Variants in QSER1 observed in about 807,000 individuals in gnomAD.
QSER1 encodes the protein glutamine and serine rich 1.
QSER1 carries 49 observed loss-of-function variants against 158.5 expected under a neutral mutation model. The ratio of observed to expected loss-of-function variants is 0.31; its 90% CI spans 0.25 to 0.39. The LOEUF (loss-of-function observed/expected upper bound fraction) is 0.39. Ranked by LOEUF, QSER1 falls within the 10% of genes least tolerant of loss-of-function variation. The pLI is 1.00. For missense variants in QSER1, 1,754 were observed against 2,010.3 expected, an observed-to-expected ratio of 0.87 and a Z score of 2.44; for synonymous variants, 650 against 715.5, an observed-to-expected ratio of 0.91 and a Z score of 1.46.
At chr11:32,939,482 T>C (rs1201655611) in intron 4 of QSER1, among the ~76,000 whole-genome samples, 4 of 152,186 alleles carry the variant, frequency 2.6e-5, no homozygotes, top group African/African-American at 9.6e-5. Context: ...TCTGGGATGT[T>C]CTGGGTCTTT....
At chr11:32,911,875 T>C (rs1851771230) in intron 1 of QSER1, among the ~76,000 whole-genome samples, 1 of 152,222 alleles carries the variant, frequency 6.6e-6, no homozygotes, top group Admixed American at 6.5e-5. Context: ...GTATTGTTAC[T>C]CATTTATTTC....
chr11:32,896,374 G>A (rs1001306531), intron 1 of QSER1, among the ~76,000 whole-genome samples: 10 of 151,990 alleles, frequency 6.6e-5, no homozygotes, highest in African/African-American at 2.2e-4. Flanking sequence ...TATTTTTTGC[G>A]ATGGAGTTTC....
At chr11:32,945,523 T>C (rs1190826754) in intron 4 of QSER1, among the ~76,000 whole-genome samples, 1 of 152,216 alleles carries the variant, frequency 6.6e-6, no homozygotes, top group African/African-American at 2.4e-5. Context: ...TATGAAATTC[T>C]GGGTTGAAAA....
At chr11:32,908,941 C>T (rs1406588450) in intron 1 of QSER1, among the ~76,000 whole-genome samples, 1 of 152,130 alleles carries the variant, frequency 6.6e-6, no homozygotes, top group Non-Finnish European at 1.5e-5. Flanking sequence ...GGGCAGATCT[C>T]GTGAGGTCAG....
At chr11:32,969,730 G>T (rs1852817444) in intron 10 of QSER1, among the ~76,000 whole-genome samples, 2 of 148,754 alleles carry the variant, frequency 1.3e-5, no homozygotes, top group African/African-American at 2.5e-5. Context: ...TGTCATCCAG[G>T]CTACATTGCA....
chr11:32,934,907 A>G lies in QSER1; in HGVS notation c.3649A>G (p.Ser1217Gly), dbSNP rs1331331884. 7 of 1,613,716 alleles carry G rather than the reference A, an allele frequency of 4.3e-6. No individual in the cohort carries two copies. Among genetic ancestry groups the G allele is most frequent in the Non-Finnish European group, 5.9e-6 (7 of 1,179,968 alleles). Residue 1217 changes from serine to glycine, a missense_variant, in exon 4 of 13, where the codon AGT becomes GGT. Physicochemically the swap from Ser to Gly is moderately conservative, Grantham distance 56. Coordinates refer to ENST00000650167, the MANE Select transcript of QSER1 (RefSeq NM_001076786.3). ...AGGGCAAGTTAAAGAGGAAGACAAC[A>G]GTAATCAGAAACAGCTGAAAAGACC... The part of the protein sequence containing the change: ...GKGQVKEEDN[S>G]NQKQLKRPAQ...
chr11:32,965,895 G>A (rs1852733381), intron 8 of QSER1, among the ~76,000 whole-genome samples: 1 of 147,566 alleles, frequency 6.8e-6, no homozygotes, highest in Non-Finnish European at 1.5e-5. Context: ...GAGCCAAGAT[G>A]GCGCCATTGT....
Position 32,979,078 on chromosome 11 carries a change from T to C in QSER1, c.*2604T>C, listed in dbSNP as rs1257926494. 2 of 152,444 alleles carry C rather than the reference T, an allele frequency of 1.3e-5. No homozygotes were observed. The highest frequency in any genetic ancestry group is 2.9e-5 in the Non-Finnish European group (2 of 68,042). 9.4% of individuals were successfully genotyped at this position (152,444 alleles called of 1,614,324 possible). A position where few individuals can be genotyped will look rare whatever the true frequency, so the allele number is the denominator to read the frequency against. On this transcript the variant is annotated 3_prime_UTR_variant, in exon 13 of 13. Coordinates refer to ENST00000650167, the MANE Select transcript of QSER1 (RefSeq NM_001076786.3). The stretch of plus-strand genomic sequence containing the variant: ...TGTAACACAATGGTATTTGTGTATC[T>C]AGACATAGAAAACATACAGTAAGAA...
chr11:32,920,905 T>A (rs1465408604), intron 1 of QSER1, among the ~76,000 whole-genome samples: 1 of 152,206 alleles, frequency 6.6e-6, no homozygotes, highest in African/African-American at 2.4e-5. Flanking sequence ...GGTGGGAATG[T>A]AAAATGGTAC....
intron 4 of QSER1, among the ~76,000 whole-genome samples, chr11:32,947,375 T>A (rs1030124560): frequency 1.3e-5 from 2 of 152,230 alleles, no homozygotes; most frequent in Non-Finnish European, 2.9e-5. Context: ...GATATTCCAC[T>A]TTTTATAAAT....
Position 32,933,182 on chromosome 11 carries a change from CAGA to C in QSER1, c.1927_1929del (p.Lys643del). The C allele has an allele frequency of 6.2e-7, 1 of 1,613,860 alleles. No homozygotes were observed. The highest frequency in any genetic ancestry group is 1.1e-5 in the South Asian group (1 of 91,018). On this transcript the variant is annotated inframe_deletion, in exon 4 of 13. Coordinates refer to ENST00000650167, the MANE Select transcript of QSER1 (RefSeq NM_001076786.3). ...TCAAGAGTCATCATCTCCCCAGTCC[CAGA>C]AGTTTTTGCCTGCTGTCCAGTCATC... is the stretch of plus-strand genomic sequence containing the variant.
chr11:32,910,803 C>T (rs566637153), intron 1 of QSER1, among the ~76,000 whole-genome samples: 2 of 152,278 alleles, frequency 1.3e-5, no homozygotes, highest in African/African-American at 4.8e-5. Flanking sequence ...TTAGGATTTA[C>T]AAGCACTTTC....
At chr11:32,909,406 C>T (rs181250814) in intron 1 of QSER1, among the ~76,000 whole-genome samples, 46 of 151,676 alleles carry the variant, frequency 3.0e-4, no homozygotes, top group African/African-American at 9.9e-4. Flanking sequence ...TGAGATTATT[C>T]AGCAGTTGGT....
At chr11:32,925,098 G>A (rs1386919755) in intron 1 of QSER1, among the ~76,000 whole-genome samples, 1 of 152,154 alleles carries the variant, frequency 6.6e-6, no homozygotes, top group Non-Finnish European at 1.5e-5. Flanking sequence ...TAAGATGTTT[G>A]TGTACCACAT....
At chr11:32,953,667 T>C (rs1398084308) in intron 4 of QSER1, among the ~76,000 whole-genome samples, 190 bp from the exon 5 acceptor site, 1 of 152,270 alleles carries the variant, frequency 6.6e-6, no homozygotes, top group African/African-American at 2.4e-5. Context: ...ACTTGTCATC[T>C]AGACTTAATT....
intron 1 of QSER1, among the ~76,000 whole-genome samples, chr11:32,895,369 T>C (rs1196547496): frequency 6.6e-6 from 1 of 152,172 alleles, no homozygotes; most frequent in African/African-American, 2.4e-5. Flanking sequence ...ACATCTTGTA[T>C]TGGGATCAGG....
In QSER1 at chr11:32,935,441, G is replaced by A. The variant is rs1564936227; in HGVS notation, c.4177+6G>A. On this transcript the variant is annotated splice_donor_region_variant and intron_variant, in intron 4 of 12. Coordinates refer to ENST00000650167, the MANE Select transcript of QSER1 (RefSeq NM_001076786.3). ...TGATAAAAAGAAGAAAACAGGTAAAGTTTTACAATTTAGATTCATAATTAT... is the reference window on the plus strand; with the variant it reads ...TGATAAAAAGAAGAAAACAGGTAAAATTTTACAATTTAGATTCATAATTAT... 4 of 1,473,182 alleles carry A rather than the reference G, an allele frequency of 2.7e-6. No individual in the cohort carries two copies. Among genetic ancestry groups the A allele is most frequent in the East Asian group, 2.3e-5 (1 of 43,066 alleles). The allele number at this position is 1,473,182 out of a possible 1,614,324, so 91.3% of individuals were successfully genotyped here.
intron 8 of QSER1, among the ~76,000 whole-genome samples, chr11:32,964,386 T>C (rs1341973693): frequency 2.0e-5 from 3 of 152,190 alleles, no homozygotes; most frequent in Non-Finnish European, 4.4e-5. Context: ...TGTCATTGCC[T>C]TGATTCGTGG....
intron 1 of QSER1, among the ~76,000 whole-genome samples, chr11:32,896,423 C>T (rs1212799386): frequency 1.3e-5 from 2 of 152,156 alleles, no homozygotes; most frequent in Non-Finnish European, 2.9e-5. Flanking sequence ...GGCGTGATCT[C>T]AGCTCTCTGC....
Sources: allele counts gnomAD v4.1 joint callset (sites outside exome capture counted in the v4.1 genomes callset), GRCh38; gene constraint gnomAD v4.1.1; transcripts MANE v1.5; gene names NCBI Gene and HGNC (gene_info 2026-07-23, HGNC 2026-07-21).